Variants in RUNDC3B observed in about 807,000 individuals in gnomAD.
RUNDC3B encodes RUN domain containing 3B.
RUNDC3B carries 33 observed loss-of-function variants against 58.4 expected under a neutral mutation model. The ratio of observed to expected loss-of-function variants is 0.56; its 90% CI spans 0.43 to 0.75. The LOEUF (loss-of-function observed/expected upper bound fraction) is 0.75. Among genes scored for constraint, RUNDC3B ranks in the 30% least tolerant of loss-of-function variants. The probability of loss-of-function intolerance (pLI) is 0.00; values close to 1 mark genes in which losing one functional copy is unlikely to be tolerated. For missense variants in RUNDC3B, 501 were observed against 535.7 expected (o/e 0.94, Z 0.64); for synonymous variants, 193 against 195.2 (o/e 0.99, Z 0.10).
chr7:87,748,030 TC>T (rs1421128440), intron 6 of RUNDC3B, among the ~76,000 whole-genome samples: 2 of 152,196 alleles, frequency 1.3e-5, no homozygotes, highest in African/African-American at 2.4e-5. Context: ...TTTGCAGAGT[TC>T]AGCTAGAGAT....
Position 87,789,640 on chromosome 7 carries a change from GC to G in RUNDC3B, c.956+11688del, listed in dbSNP as rs563699703. On this transcript the variant is annotated intron_variant, in intron 8 of 10. Coordinates refer to ENST00000394654, the MANE Select transcript of RUNDC3B (RefSeq NM_001134405.2). ...GTTAATATGTATTATATAATCTACT[GC>G]CCATATATGGATGAAAAATCAAGAA... 1.2e-4 allele frequency among the ~76,000 whole-genome samples: 19 copies of G among 152,204 alleles called. No individual in the cohort carries two copies. In the South Asian group the frequency reaches 4.0e-3, roughly 32 times the overall value.
intron 1 of RUNDC3B, among the ~76,000 whole-genome samples, chr7:87,647,353 A>G (rs1823112461): frequency 6.6e-6 from 1 of 152,148 alleles, no homozygotes; most frequent in Non-Finnish European, 1.5e-5. Flanking sequence ...CCCATTTTCT[A>G]AGAAGTGTAT....
intron 1 of RUNDC3B, 82 bp downstream of exon 1, chr7:87,629,027 C>T (rs1820914576): frequency 7.4e-6 from 9 of 1,222,244 alleles, no homozygotes; most frequent in South Asian, 4.0e-5. Flanking sequence ...TTGGGGGTCC[C>T]GGGCATGATG....
At chr7:87,699,120 C>G (rs2130685116) in intron 2 of RUNDC3B, among the ~76,000 whole-genome samples, 1 of 152,192 alleles carries the variant, frequency 6.6e-6, no homozygotes, top group South Asian at 2.1e-4. Context: ...TTATCTCAGA[C>G]ATTGGTCCTA....
At chr7:87,751,336 T>C (rs1455838113) in intron 6 of RUNDC3B, among the ~76,000 whole-genome samples, 1 of 152,182 alleles carries the variant, frequency 6.6e-6, no homozygotes, top group Non-Finnish European at 1.5e-5. Context: ...TTTGTTCTTT[T>C]GGCTTAGGAT....
intron 4 of RUNDC3B, among the ~76,000 whole-genome samples, chr7:87,720,479 T>C (rs1478670302): frequency 1.3e-5 from 2 of 151,802 alleles, no homozygotes; most frequent in Non-Finnish European, 2.9e-5. Context: ...GGCTAAGCAA[T>C]TTCACTTCCA....
chr7:87,647,824 A>G (rs1823164807), intron 1 of RUNDC3B, among the ~76,000 whole-genome samples: 1 of 152,168 alleles, frequency 6.6e-6, no homozygotes, highest in Admixed American at 6.5e-5. Context: ...GTCCCTATGC[A>G]TCTGAAAATG....
intron 6 of RUNDC3B, among the ~76,000 whole-genome samples, chr7:87,746,115 G>A (rs1832626052): frequency 1.3e-5 from 2 of 152,120 alleles, no homozygotes; most frequent in South Asian, 4.1e-4. Flanking sequence ...GGTTTTGAAG[G>A]TTCCTTTTGC....
chr7:87,794,983 A>G (rs189694324), intron 8 of RUNDC3B, among the ~76,000 whole-genome samples: 1 of 152,354 alleles, frequency 6.6e-6, no homozygotes, highest in Admixed American at 6.5e-5. Context: ...AAAATCAGTC[A>G]AAGACTTAAA....
intron 4 of RUNDC3B, among the ~76,000 whole-genome samples, chr7:87,730,189 G>A (rs2188523): frequency 0.048 from 7,346 of 152,218 alleles, 263 homozygotes; most frequent in East Asian, 0.092. Flanking sequence ...ACTCCTTCTG[G>A]TTGAGAAACA....
At chr7:87,679,358 G>T (rs1826696131) in intron 2 of RUNDC3B, among the ~76,000 whole-genome samples, 1 of 149,740 alleles carries the variant, frequency 6.7e-6, no homozygotes, top group African/African-American at 2.5e-5. Context: ...CTCCCAAAGT[G>T]CTGGGATTAC....
At chr7:87,758,328 AC>A (rs1342495474) in intron 6 of RUNDC3B, among the ~76,000 whole-genome samples, 14 of 152,294 alleles carry the variant, frequency 9.2e-5, no homozygotes, top group African/African-American at 3.4e-4. Flanking sequence ...ACTCAAAAAA[AC>A]AAAAGAAAAC....
chr7:87,759,233 A>C (rs77837593), intron 6 of RUNDC3B, among the ~76,000 whole-genome samples: 1,941 of 152,284 alleles, frequency 0.013, 43 homozygotes, highest in African/African-American at 0.044. Flanking sequence ...CAGGCATAGA[A>C]AGACAAATTT....
In RUNDC3B at chr7:87,628,589, GTGTGT is replaced by G; in HGVS notation, c.-234_-230del. On this transcript the variant is annotated 5_prime_UTR_variant, in exon 1 of 11. Coordinates refer to ENST00000394654, the MANE Select transcript of RUNDC3B (RefSeq NM_001134405.2). Reference sequence around the variant, plus strand: ...GCGGAGGTGGTGCGTGCGTGCGTGTGTGTGTGTGTGTGTGTGTGTGTGTGTGTGTG... The same window carrying G: ...GCGGAGGTGGTGCGTGCGTGCGTGTGGTGTGTGTGTGTGTGTGTGTGTGTG... 1 of 34,458 alleles carries G rather than the reference GTGTGT, an allele frequency of 2.9e-5. No homozygotes were observed. The highest frequency in any genetic ancestry group is 5.1e-5 in the Non-Finnish European group (1 of 19,538). The allele number at this position is 34,458 out of a possible 1,614,324, so 2.1% of individuals were successfully genotyped here.
Position 87,797,884 on chromosome 7 carries a change from GGAT to G in RUNDC3B, c.957-9484_957-9482del, listed in dbSNP as rs931560386. On this transcript the variant is annotated intron_variant, in intron 8 of 10. Coordinates refer to ENST00000394654, the MANE Select transcript of RUNDC3B (RefSeq NM_001134405.2). ...ACTTACATAAGATTTATAAATAAAG[GGAT>G]GATGTCAATGTAGCAAGGAAATCCC... 8.5e-5 allele frequency among the ~76,000 whole-genome samples: 13 copies of G among 152,208 alleles called. 1 individual carries two copies. Among genetic ancestry groups the G allele is most frequent in the African/African-American group, 3.1e-4 (13 of 41,510 alleles).
At chr7:87,631,477 G>C (rs1284253915) in intron 1 of RUNDC3B, among the ~76,000 whole-genome samples, 1 of 152,060 alleles carries the variant, frequency 6.6e-6, no homozygotes, top group East Asian at 1.9e-4. Context: ...TGCAAGCTCC[G>C]CCTCCCGGGT....
At chr7:87,712,590 T>C (rs917354177) in intron 4 of RUNDC3B, among the ~76,000 whole-genome samples, 3 of 152,082 alleles carry the variant, frequency 2.0e-5, no homozygotes, top group Non-Finnish European at 1.5e-5. Flanking sequence ...TTAGTTTAAA[T>C]GATTGGGTGG....
chr7:87,713,457 T>G (rs1373553304), intron 4 of RUNDC3B: 1 of 152,102 alleles, frequency 6.6e-6, no homozygotes, highest in East Asian at 1.9e-4. Flanking sequence ...AGTACATGAC[T>G]ATGGCTCCAA....
intron 4 of RUNDC3B, among the ~76,000 whole-genome samples, chr7:87,731,323 A>G (rs1186100304): frequency 1.3e-5 from 2 of 152,228 alleles, no homozygotes; most frequent in African/African-American, 2.4e-5. Context: ...CAATAAAAAT[A>G]TCCTTCATTA....
Sources: allele counts gnomAD v4.1 joint callset (sites outside exome capture counted in the v4.1 genomes callset), GRCh38; gene constraint gnomAD v4.1.1; transcripts MANE v1.5; gene names NCBI Gene and HGNC (gene_info 2026-07-23, HGNC 2026-07-21).